The following LRP5 variants were observed in gnomAD, a reference collection of about 807,000 sequenced individuals.
The protein encoded by LRP5 is low-density lipoprotein receptor-related protein 5.
Under a neutral mutation model 154.1 loss-of-function variants are expected in LRP5, and 62 were observed. The observed-to-expected ratio is 0.40, with a 90% CI of 0.33 to 0.50. The LOEUF (loss-of-function observed/expected upper bound fraction) is 0.50. Ranked by LOEUF, LRP5 falls within the 20% of genes least tolerant of loss-of-function variation. LRP5 has a pLI of 0.55. For synonymous variants in LRP5, 966 were observed against 1,011.5 expected (o/e 0.96, Z 0.85); for missense variants, 1,915 against 2,336.7 (o/e 0.82, Z 3.72).
chr11:68,312,746 CGCTGCTGCTGCTGCT>C lies in LRP5; in HGVS notation c.46_60del (p.Leu16_Leu20del), dbSNP rs72555376. On this transcript the variant is annotated inframe_deletion, in exon 1 of 23. Coordinates refer to ENST00000294304, the MANE Select transcript of LRP5 (RefSeq NM_002335.4). ...GCAGCGCCGCCCGGGCCGCCGTGGC[CGCTGCTGCTGCTGCT>C]GCTGCTGCTGCTGGCGCTGTGCGGC... is the stretch of plus-strand genomic sequence containing the variant. The C allele has an allele frequency of 3.8e-6, 4 of 1,061,244 alleles. No individual in the cohort carries two copies. Among genetic ancestry groups the C allele is most frequent in the African/African-American group, 1.8e-5 (1 of 56,924 alleles). The allele number at this position is 1,061,244 out of a possible 1,614,324, so 65.7% of individuals were successfully genotyped here. A position where few individuals can be genotyped will look rare whatever the true frequency, so the allele number is the denominator to read the frequency against.
intron 1 of LRP5, among the ~76,000 whole-genome samples, chr11:68,314,287 G>A (rs2098591292): frequency 6.6e-6 from 1 of 152,134 alleles, no homozygotes; most frequent in African/African-American, 2.4e-5. Context: ...GGAGTCAAAT[G>A]CCTGTCGTCC....
intron 11 of LRP5, among the ~76,000 whole-genome samples, chr11:68,412,643 CAA>C (rs532949641): frequency 1.9e-4 from 25 of 132,068 alleles, no homozygotes; most frequent in Admixed American, 3.1e-4. Flanking sequence ...AGACCGTCTC[CAA>C]AAAAAAAAAA....
In LRP5 at chr11:68,389,946, A is replaced by G. The variant is rs1211027012; in HGVS notation, c.1478A>G (p.Glu493Gly). The change falls in exon 7 of 23, where the codon GAG (glutamate) becomes GGG (glycine). Residue 493 changes from glutamate to glycine, a missense_variant. This residue lies in a region of LRP5 where 773 missense variants were observed against 1,100.9 expected (regional missense o/e 0.70). Coordinates refer to ENST00000294304, the MANE Select transcript of LRP5 (RefSeq NM_002335.4). ...GAGTGTGCCAACTTGGATGGGCAGGAGCGGCGTGTGCTGGTCAATGCCTCC... is the reference window on the plus strand; with the variant it reads ...GAGTGTGCCAACTTGGATGGGCAGGGGCGGCGTGTGCTGGTCAATGCCTCC... ...KIECANLDGQERRVLVNASLG... is the reference protein window; with the variant it reads ...KIECANLDGQGRRVLVNASLG... The G allele has an allele frequency of 6.2e-7, 1 of 1,614,208 alleles. No individual in the cohort carries two copies.
chr11:68,410,222 G>C, intron 10 of LRP5, 82 bp downstream of exon 10: 1 of 1,159,344 alleles, frequency 8.6e-7, no homozygotes, highest in South Asian at 1.3e-5. Context: ...AAGGTGGCAG[G>C]CTGTCCGTGT....
intron 12 of LRP5, 139 bp from the exon 13 acceptor site, chr11:68,416,189 C>T: frequency 2.7e-6 from 2 of 736,342 alleles, no homozygotes; most frequent in Non-Finnish European, 4.9e-6. Context: ...AGAGACAGCC[C>T]TGGTCCCCCC....
intron 1 of LRP5, among the ~76,000 whole-genome samples, chr11:68,340,969 G>A (rs959684343): frequency 6.8e-6 from 1 of 147,868 alleles, no homozygotes; most frequent in Admixed American, 7.0e-5. Flanking sequence ...CGAACGTTTT[G>A]TTGTTACCGC....
intron 1 of LRP5, among the ~76,000 whole-genome samples, chr11:68,324,462 T>C (rs545648): frequency 0.83 from 127,015 of 152,176 alleles, 54,201 homozygotes; most frequent in South Asian, 0.96. Context: ...CAGAGAGCCA[T>C]GGCTGGCCGA....
chr11:68,361,744 C>T (rs530066290), intron 3 of LRP5, among the ~76,000 whole-genome samples: 69 of 152,266 alleles, frequency 4.5e-4, no homozygotes, highest in African/African-American at 1.6e-3. Flanking sequence ...ATGGATTGAG[C>T]TTAGGAGATT....
At chr11:68,340,214 T>C (rs2098608142) in intron 1 of LRP5, among the ~76,000 whole-genome samples, 3 of 152,102 alleles carry the variant, frequency 2.0e-5, no homozygotes, top group African/African-American at 7.2e-5. Context: ...TACTCCAGCC[T>C]GGGCAACTAG....
At chr11:68,336,333 A>G (rs2098605679) in intron 1 of LRP5, among the ~76,000 whole-genome samples, 1 of 152,218 alleles carries the variant, frequency 6.6e-6, no homozygotes, top group Admixed American at 6.5e-5. Flanking sequence ...TGTTGTGTAC[A>G]TGCCTTAGCG....
chr11:68,428,049 G>C (rs1207583046), intron 16 of LRP5, among the ~76,000 whole-genome samples: 1 of 151,218 alleles, frequency 6.6e-6, no homozygotes, highest in Non-Finnish European at 1.5e-5. Context: ...CTGGAGTGCA[G>C]TGGCGCGATC....
intron 1 of LRP5, among the ~76,000 whole-genome samples, chr11:68,334,264 A>G (rs1229570967): frequency 3.9e-5 from 6 of 152,050 alleles, no homozygotes; most frequent in African/African-American, 1.4e-4. Flanking sequence ...AAGAAGCAGC[A>G]TGTCGAGGGT....
intron 1 of LRP5, among the ~76,000 whole-genome samples, chr11:68,322,614 G>A (rs149019173): frequency 3.1e-4 from 48 of 152,386 alleles, no homozygotes; most frequent in African/African-American, 1.1e-3. Context: ...GGGCCTTGAG[G>A]ACAGGGGCTG....
intron 8 of LRP5, among the ~76,000 whole-genome samples, chr11:68,405,138 T>C (rs1187528354): frequency 6.7e-6 from 1 of 148,762 alleles, no homozygotes; most frequent in Non-Finnish European, 1.5e-5. Flanking sequence ...ACCTGGGCAA[T>C]AGAGCGAGAC....
chr11:68,394,347 T>C (rs2098648006), intron 7 of LRP5, among the ~76,000 whole-genome samples: 1 of 152,080 alleles, frequency 6.6e-6, no homozygotes, highest in East Asian at 1.9e-4. Flanking sequence ...GCAAGAGAAA[T>C]GCAGTCAGGA....
intron 4 of LRP5, among the ~76,000 whole-genome samples, 191 bp downstream of exon 4, chr11:68,364,134 G>A (rs188951298): frequency 3.3e-5 from 5 of 151,948 alleles, no homozygotes; most frequent in Non-Finnish European, 7.4e-5. Context: ...CTGCTGCAAT[G>A]GAGGGAGGTG....
chr11:68,405,167 A>G (rs1270796571), intron 8 of LRP5, among the ~76,000 whole-genome samples: 1 of 151,862 alleles, frequency 6.6e-6, no homozygotes, highest in Non-Finnish European at 1.5e-5. Context: ...AAAAAGAAAA[A>G]AAAAAAAAGA....
At chr11:68,415,420 T>G (rs2098662005) in intron 12 of LRP5, among the ~76,000 whole-genome samples, 1 of 152,246 alleles carries the variant, frequency 6.6e-6, no homozygotes, top group Non-Finnish European at 1.5e-5. Context: ...TACCATTACC[T>G]GCCTTCCGTC....
rs200384949 is a variant in LRP5 at position 68,357,841 on chromosome 11, C to T, written c.680C>T (p.Ser227Leu). The change falls in exon 3 of 23, where the codon TCG becomes TTG. Residue 227 changes from serine (S) to leucine (L), a missense_variant. Coordinates refer to ENST00000294304, the MANE Select transcript of LRP5 (RefSeq NM_002335.4). ...ATCCACCGTGCCAACCTGGACGGCT[C>T]GTTCCGGTAGGTACCCACGCAGTCC... The part of the protein sequence containing the change: ...SFIHRANLDG[S>L]FRQKVVEGSL... 9.0e-5 allele frequency: 145 copies of T among 1,611,396 alleles called. No individual in the cohort carries two copies. Among genetic ancestry groups the T allele is most frequent in the Middle Eastern group, 1.7e-4 (1 of 5,920 alleles).
Sources: gnomAD v4.1 joint callset for allele counts (sites outside exome capture counted in the v4.1 genomes callset) on GRCh38, gnomAD v4.1.1 for gene constraint, gnomAD v4.1.1 regional missense constraint, MANE v1.5 for transcripts, NCBI Gene and HGNC (gene_info 2026-07-23, HGNC 2026-07-21) for gene names.